Variants in PHAX observed in about 807,000 individuals in gnomAD.
PHAX encodes phosphorylated adaptor for RNA export.
A neutral mutation model predicts 41.6 loss-of-function variants in PHAX; 31 were observed. That is an observed-to-expected ratio of 0.75 (90% CI 0.56 to 1.01). The LOEUF is 1.01. PHAX is among the 50% of genes least tolerant of loss of function. The probability of loss-of-function intolerance (pLI) is 0.00; values close to 1 mark genes in which losing one functional copy is unlikely to be tolerated. For synonymous variants in PHAX, 175 were observed against 164.9 expected (o/e 1.06, Z -0.47); for missense variants, 453 against 472.9 (o/e 0.96, Z 0.39).
At chr5:126,604,337 C>T (rs1751957086) in intron 2 of PHAX, among the ~76,000 whole-genome samples, 154 bp downstream of exon 2, 1 of 127,212 alleles carries the variant, frequency 7.9e-6, no homozygotes, top group South Asian at 2.7e-4. Context: ...AGTGCAGTTA[C>T]TCACTGCAAC....
intron 3 of PHAX, among the ~76,000 whole-genome samples, chr5:126,609,762 C>A (rs188885913): frequency 6.6e-6 from 1 of 150,388 alleles, no homozygotes; most frequent in Admixed American, 6.6e-5. Context: ...TTTTTTGAGA[C>A]GGAATCTCAC....
intron 3 of PHAX, among the ~76,000 whole-genome samples, chr5:126,612,688 C>T (rs1274970760): frequency 6.6e-6 from 1 of 152,018 alleles, no homozygotes; most frequent in Non-Finnish European, 1.5e-5. Context: ...GCAACAAGAG[C>T]GAAACTCGGT....
chr5:126,601,826 C>T (rs1751908826), intron 1 of PHAX, among the ~76,000 whole-genome samples: 1 of 152,126 alleles, frequency 6.6e-6, no homozygotes, highest in Non-Finnish European at 1.5e-5. Flanking sequence ...GCTGCCACGC[C>T]CGGTTAATTT....
intron 4 of PHAX, among the ~76,000 whole-genome samples, chr5:126,618,674 T>TG (rs35496590): frequency 0.27 from 40,096 of 150,006 alleles, 6,798 homozygotes; most frequent in African/African-American, 0.47. Context: ...AAAACTGTTT[T>TG]TTTTTTTTTT....
At chr5:126,622,531 G>A (rs972652086) in intron 4 of PHAX, among the ~76,000 whole-genome samples, 8 of 134,040 alleles carry the variant, frequency 6.0e-5, no homozygotes, top group Non-Finnish European at 1.1e-4. Context: ...GACCTCAAGT[G>A]ATCTGACCAC....
intron 2 of PHAX, among the ~76,000 whole-genome samples, chr5:126,607,203 T>C (rs1455069226): frequency 6.6e-6 from 1 of 152,096 alleles, no homozygotes; most frequent in Non-Finnish European, 1.5e-5. Flanking sequence ...TTTAAAATAC[T>C]GGGGAAGTTT....
chr5:126,614,914 G>A (rs556419613), intron 3 of PHAX, among the ~76,000 whole-genome samples: 11 of 151,764 alleles, frequency 7.2e-5, no homozygotes, highest in Non-Finnish European at 1.3e-4. Context: ...ACACCACCAC[G>A]CCCAGCTAAT....
At chr5:126,614,392 G>T (rs996138839) in intron 3 of PHAX, among the ~76,000 whole-genome samples, 6 of 151,926 alleles carry the variant, frequency 3.9e-5, no homozygotes, top group Admixed American at 2.0e-4. Context: ...CACCCAACCC[G>T]TGAGTCACCG....
At chr5:126,605,546 C>T (rs1425845711) in intron 2 of PHAX, among the ~76,000 whole-genome samples, 1 of 146,460 alleles carries the variant, frequency 6.8e-6, no homozygotes, top group Admixed American at 6.9e-5. Flanking sequence ...TTCGCCACCA[C>T]ACCCAAATAA....
chr5:126,627,160 T>C lies in PHAX; in HGVS notation c.*2316T>C, dbSNP rs1216557361. ...TCTTTTGGTAGTTCTGAGAATGTGG[T>C]CATTGAAGTTGGATCTAAGAGGAAA... On this transcript the variant is annotated 3_prime_UTR_variant, in exon 5 of 5. Coordinates refer to ENST00000297540, the MANE Select transcript of PHAX (RefSeq NM_032177.4). The C allele has an allele frequency of 2.6e-5, 4 of 152,160 alleles. No individual in the cohort carries two copies. Among genetic ancestry groups the C allele is most frequent in the Non-Finnish European group, 5.9e-5 (4 of 68,030 alleles). 9.4% of individuals were successfully genotyped at this position (152,160 alleles called of 1,614,324 possible). A position where few individuals can be genotyped will look rare whatever the true frequency, so the allele number is the denominator to read the frequency against.
chr5:126,601,162 C>A, intron 1 of PHAX, 104 bp downstream of exon 1: 1 of 777,418 alleles, frequency 1.3e-6, no homozygotes, highest in Non-Finnish European at 2.1e-6. Context: ...GCTAGGAGCC[C>A]GGGCCAGAGC....
At position 126,601,830 on chromosome 5, in the gene PHAX, T is replaced by C. The variant is rs149444351; in HGVS notation, c.96+772T>C. Among the ~76,000 whole-genome samples the C allele has an allele frequency of 8.4e-3, 1,278 of 152,172 alleles. 12 individuals are homozygous for C. Among genetic ancestry groups the C allele is most frequent in the Middle Eastern group, 0.024 (7 of 294 alleles). ...TACATGCGCCCGCTGCCACGCCCGG[T>C]TAATTTTTGTATTTTTGGTAGACGC... On this transcript the variant is annotated intron_variant, in intron 1 of 4. Coordinates refer to ENST00000297540, the MANE Select transcript of PHAX (RefSeq NM_032177.4).
At chr5:126,606,099 T>C (rs1255297436) in intron 2 of PHAX, among the ~76,000 whole-genome samples, 2 of 152,204 alleles carry the variant, frequency 1.3e-5, no homozygotes, top group South Asian at 2.1e-4. Flanking sequence ...AATGGTGTCA[T>C]GTAGTATGTA....
chr5:126,614,994 G>C (rs1312900508), intron 3 of PHAX, among the ~76,000 whole-genome samples: 1 of 151,894 alleles, frequency 6.6e-6, no homozygotes, highest in Non-Finnish European at 1.5e-5. Context: ...CTCATGATCT[G>C]CCCACTTTGG....
intron 3 of PHAX, among the ~76,000 whole-genome samples, chr5:126,613,735 A>G (rs1746802890): frequency 1.3e-5 from 2 of 151,866 alleles, no homozygotes; most frequent in Non-Finnish European, 2.9e-5. Context: ...TATGGTTAGT[A>G]GGATCATGGG....
At chr5:126,602,145 C>T (rs933230767) in intron 1 of PHAX, among the ~76,000 whole-genome samples, 57 of 152,000 alleles carry the variant, frequency 3.8e-4, no homozygotes, top group African/African-American at 1.3e-3. Flanking sequence ...CGGGGGTTCT[C>T]CATGTTGGCC....
chr5:126,624,244 A>T (rs1183630101), intron 4 of PHAX, among the ~76,000 whole-genome samples: 1 of 151,934 alleles, frequency 6.6e-6, no homozygotes, highest in Admixed American at 6.6e-5. Context: ...CCTGACCTCA[A>T]GTGAACCACC....
At chr5:126,609,095 A>ATTTTTTTTTTTT (rs761125079) in intron 3 of PHAX, among the ~76,000 whole-genome samples, 1,542 of 101,130 alleles carry the variant, frequency 0.015, 215 homozygotes, top group African/African-American at 0.058. Flanking sequence ...TAGGGGTTGA[A>ATTTTTTTTTTTT]TTTTTTTTTT....
At position 126,608,484 on chromosome 5, in the gene PHAX, G is replaced by T; in HGVS notation, c.831G>T (p.Met277Ile). Residue 277 changes from methionine to isoleucine, a missense_variant and splice_region_variant, in exon 3 of 5, where the codon ATG (methionine) becomes ATT (isoleucine). Met to Ile is a conservative substitution (Grantham distance 10). Transcript: ENST00000297540. ...AACAAAATGGTGGTCTCTTTATAAT[G>T]GTAAGACTGCTTAACTGTTTTTGTT... ...EVEQNGGLFIMNGSRRRTPGG... is the reference protein window; with the variant it reads ...EVEQNGGLFIINGSRRRTPGG... 1.2e-6 allele frequency: 2 copies of T among 1,610,796 alleles called. No homozygotes were observed. Among genetic ancestry groups the T allele is most frequent in the South Asian group, 2.2e-5 (2 of 90,778 alleles).
Sources: allele counts gnomAD v4.1 joint callset (sites outside exome capture counted in the v4.1 genomes callset), GRCh38; gene constraint gnomAD v4.1.1; transcripts MANE v1.5; gene names NCBI Gene and HGNC (gene_info 2026-07-23, HGNC 2026-07-21).